Variants in SLC60A1 observed in about 807,000 individuals in gnomAD.
The protein encoded by SLC60A1 is solute carrier family 60 member 1, also known as major facilitator superfamily domain containing 4.
At chr1:205,577,748 C>T in the SLC60A1 span, among the ~76,000 whole-genome samples, 258 of 152,304 alleles carry the variant, frequency 1.7e-3, 2 homozygotes, top group African/African-American at 5.6e-3. The surrounding 1 kb of genome is among the most constrained non-coding windows in gnomAD (Gnocchi z 5.2). Context: ...CACATGTGCA[C>T]GCACACACAC....
the SLC60A1 span, chr1:205,599,046 C>T: frequency 6.4e-7 from 1 of 1,556,370 alleles, no homozygotes; most frequent in African/African-American, 1.4e-5. Context: ...AAAAACCAGC[C>T]AAGGATGGAG....
At chr1:205,598,279 C>T in the SLC60A1 span, 1 of 160,082 alleles carries the variant, frequency 6.2e-6, no homozygotes, top group Non-Finnish European at 1.4e-5. Flanking sequence ...AACTCCTGCC[C>T]TGACCGAGAG....
the SLC60A1 span, among the ~76,000 whole-genome samples, chr1:205,588,569 G>A: frequency 6.6e-6 from 1 of 152,044 alleles, no homozygotes; most frequent in Non-Finnish European, 1.5e-5. Context: ...GGGCCTCTGG[G>A]TTGTTTTGGA....
the SLC60A1 span, among the ~76,000 whole-genome samples, chr1:205,574,209 G>A: frequency 6.6e-6 from 1 of 151,942 alleles, no homozygotes; most frequent in Non-Finnish European, 1.5e-5. Context: ...CACTTTGGGA[G>A]GCCAAGGTGG....
the SLC60A1 span, chr1:205,579,404 G>A: frequency 2.0e-6 from 1 of 511,678 alleles, no homozygotes; most frequent in Non-Finnish European, 3.5e-6. Flanking sequence ...CTCTTGAGAT[G>A]CTCAAAACAG....
the SLC60A1 span, among the ~76,000 whole-genome samples, chr1:205,577,446 A>G: frequency 6.6e-6 from 1 of 152,188 alleles, no homozygotes; most frequent in Non-Finnish European, 1.5e-5. The surrounding 1 kb of genome is among the most constrained non-coding windows in gnomAD (Gnocchi z 5.2). Flanking sequence ...GCAGAGGCAG[A>G]TGCCTGGGGA....
the SLC60A1 span, chr1:205,583,937 C>CCT: frequency 6.2e-7 from 1 of 1,609,714 alleles, no homozygotes; most frequent in Non-Finnish European, 8.5e-7. Flanking sequence ...CTCTCCTGAC[C>CCT]CTCTGCCTGC....
At chr1:205,597,898 T>C in the SLC60A1 span, 1 of 1,576,800 alleles carries the variant, frequency 6.3e-7, no homozygotes, top group South Asian at 1.1e-5. Context: ...GGAGCACTCC[T>C]CTGACAGGTG....
At chr1:205,584,747 G>C in the SLC60A1 span, 3 of 776,556 alleles carry the variant, frequency 3.9e-6, no homozygotes, top group East Asian at 2.5e-5. Flanking sequence ...CAGAAAGGTC[G>C]TGAAAGTAGA....
At chr1:205,591,303 C>T in the SLC60A1 span, among the ~76,000 whole-genome samples, 355 of 151,866 alleles carry the variant, frequency 2.3e-3, no homozygotes, top group African/African-American at 8.1e-3. Context: ...GGCAACATGG[C>T]GAACCCTTTC....
At chr1:205,595,211 TTCTC>T in the SLC60A1 span, 4 of 152,358 alleles carry the variant, frequency 2.6e-5, no homozygotes, top group African/African-American at 7.2e-5. Context: ...CTCTCCAGAC[TTCTC>T]TCTCCCTGCT....
chr1:205,569,934 A>G, the SLC60A1 span, among the ~76,000 whole-genome samples: 1 of 151,732 alleles, frequency 6.6e-6, no homozygotes. Context: ...TGGTTCCTGC[A>G]TGGGCCCCCG....
chr1:205,577,330 A>G, the SLC60A1 span, among the ~76,000 whole-genome samples: 4 of 152,264 alleles, frequency 2.6e-5, no homozygotes, highest in Admixed American at 2.0e-4. This position sits in a 1 kb window ranked among gnomAD's most constrained non-coding sequence, Gnocchi z 5.2. Context: ...TGGCAAGACA[A>G]GCGTTCCCCA....
chr1:205,584,198 G>C, the SLC60A1 span: 1 of 1,206,334 alleles, frequency 8.3e-7, no homozygotes, highest in Non-Finnish European at 1.2e-6. Context: ...CCCAGAGAGA[G>C]TGAACCTAGA....
the SLC60A1 span, among the ~76,000 whole-genome samples, chr1:205,587,881 G>A: frequency 6.6e-6 from 1 of 152,180 alleles, no homozygotes; most frequent in Admixed American, 6.5e-5. Context: ...CAATTGCTAA[G>A]ACAGAGGAGA....
the SLC60A1 span, among the ~76,000 whole-genome samples, chr1:205,588,653 G>C: frequency 2.9e-4 from 44 of 152,234 alleles, no homozygotes; most frequent in African/African-American, 1.0e-3. Flanking sequence ...CCTCTCCTGT[G>C]TAGATGTGAA....
chr1:205,598,120 G>A, the SLC60A1 span: 1 of 375,464 alleles, frequency 2.7e-6, no homozygotes, highest in East Asian at 5.6e-5. Flanking sequence ...GGGCCAGAGG[G>A]GGCCCGTGGG....
At chr1:205,597,663 TG>T in the SLC60A1 span, 1 of 1,005,190 alleles carries the variant, frequency 9.9e-7, no homozygotes, top group Non-Finnish European at 1.6e-6. Flanking sequence ...CCTAAAGTAC[TG>T]GGATGTGCCT....
At chr1:205,600,431 A>C in the SLC60A1 span, 3 of 1,614,136 alleles carry the variant, frequency 1.9e-6, no homozygotes, top group Non-Finnish European at 2.5e-6. Context: ...GATCAATTGG[A>C]ATGGAAAACT....
Sources: allele counts gnomAD v4.1 joint callset (sites outside exome capture counted in the v4.1 genomes callset), GRCh38; gene constraint gnomAD v4.1.1; non-coding constraint Gnocchi (gnomAD v3.1); transcripts MANE v1.5; gene names NCBI Gene and HGNC (gene_info 2026-07-23, HGNC 2026-07-21).